Variants in PIBF1 observed in about 807,000 individuals in gnomAD.
PIBF1 encodes the protein progesterone-induced-blocking factor 1.
A neutral mutation model predicts 112.5 loss-of-function variants in PIBF1; 90 were observed. That is an observed-to-expected ratio of 0.80 (90% CI 0.67 to 0.95). The LOEUF (loss-of-function observed/expected upper bound fraction) is 0.95, where lower values mean the gene tolerates loss of function less well. Ranked by LOEUF, PIBF1 falls within the 40% of genes least tolerant of loss-of-function variation. PIBF1 has a pLI of 0.00. For synonymous variants in PIBF1, 301 were observed against 288.6 expected (o/e 1.04, Z -0.44); for missense variants, 915 against 852.3 (o/e 1.07, Z -0.92).
At chr13:72,960,632 C>T (rs1566492928) in intron 14 of PIBF1, among the ~76,000 whole-genome samples, 1 of 152,172 alleles carries the variant, frequency 6.6e-6, no homozygotes, top group Non-Finnish European at 1.5e-5. Flanking sequence ...CCCTGCCACC[C>T]TTTCCCCACA....
chr13:72,971,141 A>G (rs940400809), intron 15 of PIBF1, among the ~76,000 whole-genome samples: 3 of 151,852 alleles, frequency 2.0e-5, no homozygotes, highest in African/African-American at 7.3e-5. Flanking sequence ...CGATTACACT[A>G]CATATTCTTT....
intron 8 of PIBF1, among the ~76,000 whole-genome samples, chr13:72,828,285 T>TTA (rs2036920198): frequency 6.6e-6 from 1 of 151,350 alleles, no homozygotes; most frequent in African/African-American, 2.4e-5. Flanking sequence ...TTTTTTTTTT[T>TTA]ATAAATTATA....
chr13:72,850,879 AG>A, intron 9 of PIBF1, among the ~76,000 whole-genome samples: 1 of 152,320 alleles, frequency 6.6e-6, no homozygotes, highest in East Asian at 1.9e-4. Context: ...ATTTTTTGAT[AG>A]CTACTTTAGA....
At chr13:72,965,019 G>A (rs950999464) in intron 14 of PIBF1, among the ~76,000 whole-genome samples, 8 of 152,044 alleles carry the variant, frequency 5.3e-5, no homozygotes, top group East Asian at 1.9e-4. Context: ...CCGAGATCGC[G>A]CCACTGCACT....
chr13:72,927,627 T>G (rs2041530858), intron 13 of PIBF1, among the ~76,000 whole-genome samples: 1 of 152,184 alleles, frequency 6.6e-6, no homozygotes, highest in South Asian at 2.1e-4. Flanking sequence ...CCTCAAGTGA[T>G]CTGCCTGCCT....
At chr13:72,836,167 G>T (rs1408175595) in intron 9 of PIBF1, 2 of 438,484 alleles carry the variant, frequency 4.6e-6, no homozygotes, top group Admixed American at 2.5e-5. Flanking sequence ...TAAATATTAG[G>T]CTCACCTAGT....
intron 17 of PIBF1, among the ~76,000 whole-genome samples, chr13:73,009,916 A>T (rs1478342343): frequency 6.6e-6 from 1 of 152,210 alleles, no homozygotes; most frequent in Non-Finnish European, 1.5e-5. Context: ...TGAAATTCTT[A>T]TACCGTCCTT....
intron 14 of PIBF1, among the ~76,000 whole-genome samples, chr13:72,947,598 C>T (rs528363101): frequency 6.6e-6 from 1 of 152,300 alleles, no homozygotes; most frequent in South Asian, 2.1e-4. Flanking sequence ...TTATGCTCTA[C>T]TTCCTCTTGA....
chr13:72,872,371 A>C (rs993034320), intron 10 of PIBF1, among the ~76,000 whole-genome samples: 3 of 152,192 alleles, frequency 2.0e-5, no homozygotes, highest in Non-Finnish European at 4.4e-5. Context: ...GTGTTAATGA[A>C]GGCTATAATT....
At chr13:72,798,899 C>T (rs1036825574) in intron 5 of PIBF1, among the ~76,000 whole-genome samples, 1 of 152,174 alleles carries the variant, frequency 6.6e-6, no homozygotes, top group Non-Finnish European at 1.5e-5. Context: ...TTATTACTTA[C>T]GTGGCTTCTT....
At chr13:72,955,373 T>TTGTGTGTG (rs150485983) in intron 14 of PIBF1, among the ~76,000 whole-genome samples, 2 of 147,780 alleles carry the variant, frequency 1.4e-5, no homozygotes, top group Non-Finnish European at 1.5e-5. Context: ...ATGTGTGTGT[T>TTGTGTGTG]TGTGTGTGTG....
chr13:72,975,188 C>T (rs1038120229), intron 16 of PIBF1, among the ~76,000 whole-genome samples: 9 of 151,534 alleles, frequency 5.9e-5, no homozygotes, highest in African/African-American at 1.9e-4. Context: ...CCTGAGTACC[C>T]GGGATTACAG....
chr13:72,794,501 C>G (rs2035092192), intron 3 of PIBF1, among the ~76,000 whole-genome samples: 1 of 152,148 alleles, frequency 6.6e-6, no homozygotes, highest in Admixed American at 6.5e-5. Flanking sequence ...CAAATCTCAT[C>G]TTGAATTATA....
chr13:72,871,156 G>C (rs1327457633), intron 10 of PIBF1, among the ~76,000 whole-genome samples: 1 of 152,140 alleles, frequency 6.6e-6, no homozygotes, highest in Non-Finnish European at 1.5e-5. Context: ...TGGACGTGAT[G>C]GGTGGTAGAG....
chr13:72,882,978 T>C (rs2039703664), intron 10 of PIBF1, among the ~76,000 whole-genome samples: 1 of 152,174 alleles, frequency 6.6e-6, no homozygotes, highest in East Asian at 1.9e-4. Context: ...CTATTTTTAG[T>C]TTTTGTGTAT....
chr13:72,950,799 G>T (rs1259769456), intron 14 of PIBF1, among the ~76,000 whole-genome samples: 1 of 152,150 alleles, frequency 6.6e-6, no homozygotes, highest in Non-Finnish European at 1.5e-5. Context: ...TGGAGTTGGG[G>T]AGAAACAGAG....
At chr13:72,956,712 C>T (rs915762356) in intron 14 of PIBF1, among the ~76,000 whole-genome samples, 1 of 152,148 alleles carries the variant, frequency 6.6e-6, no homozygotes, top group Non-Finnish European at 1.5e-5. Context: ...AGGTGTCCCT[C>T]GGGTGCCTGC....
intron 16 of PIBF1, among the ~76,000 whole-genome samples, chr13:72,975,975 G>A (rs2138951077): frequency 6.6e-6 from 1 of 152,134 alleles, no homozygotes; most frequent in African/African-American, 2.4e-5. Flanking sequence ...TGATTTTAAG[G>A]GGATGTGCTA....
chr13:72,860,911 A>G (rs1231317109), intron 10 of PIBF1, among the ~76,000 whole-genome samples: 4 of 152,210 alleles, frequency 2.6e-5, no homozygotes, highest in Non-Finnish European at 5.9e-5. Flanking sequence ...ATGAACAGTT[A>G]TTATGTCGTA....
Sources: allele counts gnomAD v4.1 joint callset (sites outside exome capture counted in the v4.1 genomes callset), GRCh38; gene constraint gnomAD v4.1.1; transcripts MANE v1.5; gene names NCBI Gene and HGNC (gene_info 2026-07-23, HGNC 2026-07-21).